DGKH: variants seen among roughly 807,000 people sequenced by gnomAD.
The protein encoded by DGKH is DAG kinase eta.
Under a neutral mutation model 159.3 loss-of-function variants are expected in DGKH, and 90 were observed. The observed-to-expected ratio is 0.57, with a 90% CI of 0.48 to 0.67. The LOEUF (loss-of-function observed/expected upper bound fraction) is 0.67. DGKH is among the 30% of genes least tolerant of loss of function. DGKH has a pLI of 0.00. For missense variants in DGKH, 1,181 were observed against 1,506.1 expected (o/e 0.78, Z 3.57); for synonymous variants, 536 against 553.8 (o/e 0.97, Z 0.45).
At chr13:42,084,515 TAAA>T (rs540706085) in intron 1 of DGKH, among the ~76,000 whole-genome samples, 3 of 152,160 alleles carry the variant, frequency 2.0e-5, no homozygotes, top group Admixed American at 2.0e-4. Context: ...GTTTTATAAT[TAAA>T]AATTTTAGGT....
intron 1 of DGKH, among the ~76,000 whole-genome samples, chr13:42,127,082 G>A (rs1265286846): frequency 1.3e-5 from 2 of 152,162 alleles, no homozygotes; most frequent in East Asian, 3.8e-4. Flanking sequence ...CTACTAAGTG[G>A]TGGCACCAGG....
downstream of DGKH, among the ~76,000 whole-genome samples, chr13:42,243,836 G>C (rs1457293937): frequency 6.6e-6 from 1 of 152,168 alleles, no homozygotes; most frequent in Non-Finnish European, 1.5e-5. Flanking sequence ...TAAGCAATCC[G>C]GTTTGAGCCC....
At chr13:42,228,576 T>C (rs1396640823) in intron 29 of DGKH, among the ~76,000 whole-genome samples, 1 of 151,624 alleles carries the variant, frequency 6.6e-6, no homozygotes, top group Non-Finnish European at 1.5e-5. Flanking sequence ...CATCATTTTT[T>C]TCTCAGAGAT....
At chr13:42,056,243 T>C (rs540261376) in intron 1 of DGKH, among the ~76,000 whole-genome samples, 73 of 152,312 alleles carry the variant, frequency 4.8e-4, no homozygotes, top group African/African-American at 1.7e-3. Context: ...CAAATGATCA[T>C]ATATGGTAAT....
intron 13 of DGKH, among the ~76,000 whole-genome samples, chr13:42,186,470 C>T (rs1017259332): frequency 4.6e-5 from 7 of 152,080 alleles, no homozygotes; most frequent in African/African-American, 1.7e-4. Flanking sequence ...ACTAACAAGA[C>T]CTAAATTAAA....
chr13:42,188,718 A>T (rs1162647824), intron 14 of DGKH, among the ~76,000 whole-genome samples: 2 of 152,212 alleles, frequency 1.3e-5, no homozygotes, highest in East Asian at 3.9e-4. Context: ...ATGGAGTCTG[A>T]GTGGCTCTGA....
At chr13:42,255,233 T>C (rs1375025598) in intron 30 of DGKH, among the ~76,000 whole-genome samples, 5 of 151,994 alleles carry the variant, frequency 3.3e-5, no homozygotes, top group Admixed American at 2.0e-4. Context: ...TCAATATATG[T>C]TGCAGAATAC....
chr13:42,166,488 T>G, intron 8 of DGKH, 27 bp from the exon 9 acceptor site: 1 of 1,470,436 alleles, frequency 6.8e-7, no homozygotes. Flanking sequence ...CTGTATGTAT[T>G]GATCTTGTGT....
chr13:42,221,576 T>C (rs1301974830), intron 29 of DGKH, among the ~76,000 whole-genome samples, 182 bp downstream of exon 29: 1 of 152,216 alleles, frequency 6.6e-6, no homozygotes, highest in Non-Finnish European at 1.5e-5. Context: ...GTCAGCAGTA[T>C]TTTCCTGTCA....
At chr13:42,074,562 C>G (rs1468685811) in intron 1 of DGKH, among the ~76,000 whole-genome samples, 2 of 152,130 alleles carry the variant, frequency 1.3e-5, no homozygotes, top group Admixed American at 1.3e-4. Flanking sequence ...CTTGCCCTAC[C>G]TTGGCATACA....
Position 42,237,463 on chromosome 13 carries a change from T to A in DGKH, c.*8275T>A, listed in dbSNP as rs1454522634. On this transcript the variant is annotated 3_prime_UTR_variant, in exon 30 of 30. Transcript: ENST00000337343. ...TATAGGAAAAAGGAACTTGAATTGG[T>A]AATTTGGCAAAGATTTGGGAACAAA... is the stretch of plus-strand genomic sequence containing the variant. The A allele has an allele frequency of 3.3e-5, 5 of 152,234 alleles. No individual in the cohort carries two copies. Among genetic ancestry groups the A allele is most frequent in the Non-Finnish European group, 7.3e-5 (5 of 68,034 alleles). 9.4% of individuals were successfully genotyped at this position (152,234 alleles called of 1,614,324 possible). A position where few individuals can be genotyped will look rare whatever the true frequency, so the allele number is the denominator to read the frequency against.
At chr13:42,166,923 A>G (rs1418044485) in intron 9 of DGKH, among the ~76,000 whole-genome samples, 3 of 152,208 alleles carry the variant, frequency 2.0e-5, no homozygotes, top group African/African-American at 7.2e-5. Context: ...CAATACTAAC[A>G]ATTTCTTTAG....
chr13:42,085,780 A>G (rs1244664826), intron 1 of DGKH, among the ~76,000 whole-genome samples: 1 of 152,206 alleles, frequency 6.6e-6, no homozygotes, highest in African/African-American at 2.4e-5. Flanking sequence ...CTCTTGGAAA[A>G]TCCAGGTATG....
chr13:42,121,066 T>TACACACACATACACAC (rs1555262945), intron 1 of DGKH, among the ~76,000 whole-genome samples: 1 of 144,734 alleles, frequency 6.9e-6, no homozygotes, highest in Non-Finnish European at 1.5e-5. Flanking sequence ...ATATATATTA[T>TACACACACATACACAC]ACACACACAC....
At chr13:42,220,181 A>G (rs1957928878) in intron 28 of DGKH, among the ~76,000 whole-genome samples, 1 of 152,204 alleles carries the variant, frequency 6.6e-6, no homozygotes, top group Non-Finnish European at 1.5e-5. Context: ...TCTTCTTTTA[A>G]GTACAATTTT....
intron 2 of DGKH, among the ~76,000 whole-genome samples, chr13:42,127,874 G>C (rs1031952328): frequency 1.3e-5 from 2 of 151,868 alleles, no homozygotes; most frequent in Non-Finnish European, 2.9e-5. Context: ...TGTAATAAAC[G>C]CAACATTCTG....
intron 13 of DGKH, among the ~76,000 whole-genome samples, chr13:42,182,340 T>C (rs1956786799): frequency 6.6e-6 from 1 of 152,248 alleles, no homozygotes; most frequent in Admixed American, 6.5e-5. Context: ...TACTTTATTT[T>C]GCTACAGTAT....
At chr13:42,142,371 C>T (rs1042058129) in intron 3 of DGKH, among the ~76,000 whole-genome samples, 1 of 151,634 alleles carries the variant, frequency 6.6e-6, no homozygotes, top group African/African-American at 2.4e-5. Flanking sequence ...ATTGACTTGG[C>T]AATGCGGGCT....
At chr13:42,148,971 A>C in intron 3 of DGKH, among the ~76,000 whole-genome samples, 2 of 135,438 alleles carry the variant, frequency 1.5e-5, no homozygotes. Context: ...TTTTTGAGAC[A>C]AGTCTCACTC....
Sources: allele counts gnomAD v4.1 joint callset (sites outside exome capture counted in the v4.1 genomes callset), GRCh38; gene constraint gnomAD v4.1.1; transcripts MANE v1.5; gene names NCBI Gene and HGNC (gene_info 2026-07-23, HGNC 2026-07-21).